Variants in ANKFN1 observed in about 807,000 individuals in gnomAD.
ANKFN1 encodes ankyrin repeat and fibronectin type-III domain-containing protein 1.
A neutral mutation model predicts 108.7 loss-of-function variants in ANKFN1; 74 were observed. The ratio of observed to expected loss-of-function variants is 0.68; its 90% CI spans 0.56 to 0.83. The LOEUF is 0.83. Ranked by LOEUF, ANKFN1 falls within the 40% of genes least tolerant of loss-of-function variation. ANKFN1 has a pLI of 0.00. For synonymous variants in ANKFN1, 547 were observed against 516.2 expected (o/e 1.06, Z -0.81); for missense variants, 1,505 against 1,382.3 (o/e 1.09, Z -1.41).
At chr17:56,380,602 A>G (rs4401100) in intron 8 of ANKFN1, among the ~76,000 whole-genome samples, 114,756 of 152,162 alleles carry the variant, frequency 0.75, 43,477 homozygotes, top group East Asian at 0.96. Flanking sequence ...CTTTTCCGAC[A>G]GGCTTAAAAA....
intron 3 of ANKFN1, among the ~76,000 whole-genome samples, chr17:56,267,907 AT>A (rs902555969): frequency 1.9e-4 from 29 of 151,632 alleles, no homozygotes; most frequent in Middle Eastern, 3.4e-3. Flanking sequence ...GATTTTTAGA[AT>A]TTTTTTTCCT....
At chr17:56,345,656 T>G (rs1339254950) in intron 4 of ANKFN1, among the ~76,000 whole-genome samples, 1 of 152,232 alleles carries the variant, frequency 6.6e-6, no homozygotes, top group Non-Finnish European at 1.5e-5. Context: ...ATGATAATCT[T>G]TTTTTCATAT....
intron 4 of ANKFN1, among the ~76,000 whole-genome samples, chr17:56,113,324 C>T (rs1185037827): frequency 6.6e-6 from 1 of 151,946 alleles, no homozygotes; most frequent in Non-Finnish European, 1.5e-5. Flanking sequence ...TGTACAGAAC[C>T]CAAAAAATGA....
In ANKFN1 at chr17:56,154,324, A is replaced by G. The variant is rs373168357; in HGVS notation, c.-71+794A>G. Reference sequence around the variant, plus strand: ...TAGGAGGAACTTATTCAGCTACTTCACTTCCCCTCAGGAGTTCAGAGTAGG... The same window carrying G: ...TAGGAGGAACTTATTCAGCTACTTCGCTTCCCCTCAGGAGTTCAGAGTAGG... On this transcript the variant is annotated intron_variant, in intron 1 of 20. Coordinates refer to ENST00000682825, the MANE Select transcript of ANKFN1 (RefSeq NM_001370326.1). Among the ~76,000 whole-genome samples the G allele has an allele frequency of 5.9e-5, 9 of 152,266 alleles. No homozygotes were observed. In the East Asian group the frequency reaches 1.7e-3, roughly 29 times the overall value.
rs1905513944 is a variant in ANKFN1 at position 56,095,367 on chromosome 17, G to T, written c.288+49042G>T. On this transcript the variant is annotated intron_variant, in intron 4 of 12. Transcript: ENST00000635860. ...AGGGAAGTGTTGGAATCATAGCTCA[G>T]TGCAACCTTGAACTCCTAGGCTCAA... Among the ~76,000 whole-genome samples, 7 of 150,148 alleles carry T rather than the reference G, an allele frequency of 4.7e-5. No individual in the cohort carries two copies. The South Asian group carries it at 1.5e-3, about 32-fold the overall frequency.
intron 6 of ANKFN1, among the ~76,000 whole-genome samples, chr17:56,367,297 A>C (rs1009801644): frequency 6.6e-6 from 1 of 152,220 alleles, no homozygotes; most frequent in Admixed American, 6.5e-5. Context: ...TAGCAATTGC[A>C]GGCAAGGGCA....
At chr17:56,346,816 G>A (rs1047615645) in intron 4 of ANKFN1, among the ~76,000 whole-genome samples, 2 of 151,610 alleles carry the variant, frequency 1.3e-5, no homozygotes, top group African/African-American at 4.8e-5. Flanking sequence ...TCTGCTTGGA[G>A]AGTCTTTGTC....
At chr17:56,457,762 C>T in intron 13 of ANKFN1, 101 bp from the exon 14 acceptor site, 1 of 838,968 alleles carries the variant, frequency 1.2e-6, no homozygotes, top group Non-Finnish European at 2.0e-6. Context: ...GGAGAATAAA[C>T]ATCAGGGGTC....
intron 3 of ANKFN1, among the ~76,000 whole-genome samples, chr17:56,283,717 A>G (rs1343535456): frequency 6.6e-6 from 1 of 151,214 alleles, no homozygotes; most frequent in Non-Finnish European, 1.5e-5. Context: ...GAATGATTCA[A>G]TGGACTTGGG....
chr17:56,285,807 C>T (rs1216001048), intron 3 of ANKFN1, among the ~76,000 whole-genome samples: 1 of 151,248 alleles, frequency 6.6e-6, no homozygotes, highest in Non-Finnish European at 1.5e-5. Context: ...TTGATTTCCC[C>T]CTCCTGTTGT....
At chr17:56,361,196 C>G (rs2046507616) in intron 6 of ANKFN1, among the ~76,000 whole-genome samples, 2 of 151,920 alleles carry the variant, frequency 1.3e-5, no homozygotes, top group Non-Finnish European at 2.9e-5. Context: ...AATATACATG[C>G]AACATAGAAT....
intron 3 of ANKFN1, among the ~76,000 whole-genome samples, chr17:56,310,405 C>G (rs1285057744): frequency 6.6e-6 from 1 of 152,060 alleles, no homozygotes; most frequent in East Asian, 1.9e-4. Flanking sequence ...ATCACGAGGT[C>G]AGGAGATCGA....
intron 4 of ANKFN1, among the ~76,000 whole-genome samples, chr17:56,050,033 T>C (rs1419078362): frequency 6.6e-6 from 1 of 151,908 alleles, no homozygotes; most frequent in Non-Finnish European, 1.5e-5. Flanking sequence ...TCCTATTTCT[T>C]CACATCCTCT....
At chr17:56,115,854 T>G (rs1906233590) in intron 4 of ANKFN1, among the ~76,000 whole-genome samples, 2 of 152,172 alleles carry the variant, frequency 1.3e-5, no homozygotes, top group Non-Finnish European at 1.5e-5. Context: ...CTGGTTCTCT[T>G]GAGCCCCTGG....
chr17:56,069,180 T>A (rs1360782105), intron 4 of ANKFN1, among the ~76,000 whole-genome samples: 1 of 152,202 alleles, frequency 6.6e-6, no homozygotes, highest in Non-Finnish European at 1.5e-5. Context: ...GTTGTTTGAA[T>A]AAAAACTGGG....
intron 4 of ANKFN1, among the ~76,000 whole-genome samples, chr17:56,328,415 T>C (rs974984507): frequency 6.6e-6 from 1 of 152,224 alleles, no homozygotes; most frequent in Admixed American, 6.5e-5. Context: ...TGATGTCTTT[T>C]ATAAAATTCA....
At chr17:56,344,490 A>C (rs1179788588) in intron 4 of ANKFN1, among the ~76,000 whole-genome samples, 1 of 152,030 alleles carries the variant, frequency 6.6e-6, no homozygotes, top group Non-Finnish European at 1.5e-5. Flanking sequence ...ATGAAGTCAG[A>C]CAGAGATGAG....
rs1400151583 is a variant in ANKFN1, at chr17:56,191,374, G to A, written c.-70-21224G>A. 3.4e-5 allele frequency among the ~76,000 whole-genome samples: 2 copies of A among 58,862 alleles called. 1 individual carries two copies. The highest frequency in any genetic ancestry group is 5.4e-5 in the Non-Finnish European group (2 of 37,106). 38.6% of individuals were successfully genotyped at this position (58,862 alleles called of 152,430 possible). On this transcript the variant is annotated intron_variant, in intron 1 of 20. Transcript: ENST00000682825. The stretch of plus-strand genomic sequence containing the variant: ...TACCGGTTGTTCCTTTCCATGTTTA[G>A]CGCTTCCTTCAGGAGCTATTTTAGG...
rs1019514845 is a variant in ANKFN1 at position 56,510,353 on chromosome 17, G to C, written c.2645-120G>C. The C allele has an allele frequency of 2.2e-5, 18 of 833,362 alleles. No individual in the cohort carries two copies. In the African/African-American group the frequency reaches 2.9e-4, roughly 14 times the overall value. 51.6% of individuals were successfully genotyped at this position (833,362 alleles called of 1,614,324 possible). A position where few individuals can be genotyped will look rare whatever the true frequency, so the allele number is the denominator to read the frequency against. On this transcript the variant is annotated intron_variant, in intron 20 of 20. Transcript: ENST00000682825. ...GTCAGCATTTCAGGAGGTGACAGCA[G>C]GGCATTAAACGAAGCACAGGCCCCT...
Sources: allele counts gnomAD v4.1 joint callset (sites outside exome capture counted in the v4.1 genomes callset), GRCh38; gene constraint gnomAD v4.1.1; transcripts MANE v1.5; gene names NCBI Gene and HGNC (gene_info 2026-07-23, HGNC 2026-07-21).